The following ZNRF1 variants were observed in gnomAD, a reference collection of about 807,000 sequenced individuals.
ZNRF1 encodes zinc and ring finger 1.
ZNRF1 carries 3 observed loss-of-function variants against 18.4 expected under a neutral mutation model. The observed-to-expected ratio is 0.16, with a 90% CI of 0.07 to 0.42. The LOEUF (loss-of-function observed/expected upper bound fraction) is 0.42, where lower values mean the gene tolerates loss of function less well. ZNRF1 is among the 10% of genes least tolerant of loss of function. The pLI is 0.99. For synonymous variants in ZNRF1, 157 were observed against 144.2 expected (o/e 1.09, Z -0.64); for missense variants, 310 against 329.8 (o/e 0.94, Z 0.47).
chr16:75,069,979 T>C (rs1443195838), intron 1 of ZNRF1, among the ~76,000 whole-genome samples: 1 of 152,190 alleles, frequency 6.6e-6, no homozygotes, highest in Non-Finnish European at 1.5e-5. Flanking sequence ...ATCATTAACT[T>C]CTACACCCCT....
chr16:75,042,729 A>G (rs1409218927), intron 1 of ZNRF1, among the ~76,000 whole-genome samples: 6 of 151,950 alleles, frequency 3.9e-5, no homozygotes, highest in Admixed American at 3.9e-4. Context: ...GGTCCTTTGC[A>G]TTTCCATGTA....
chr16:75,003,299 C>G (rs1371248446), intron 1 of ZNRF1, among the ~76,000 whole-genome samples: 1 of 152,328 alleles, frequency 6.6e-6, no homozygotes, highest in Non-Finnish European at 1.5e-5. Context: ...AGTATTTTAT[C>G]TGTTTACTTT....
chr16:75,068,373 A>G (rs2035829385), intron 1 of ZNRF1, among the ~76,000 whole-genome samples: 1 of 151,822 alleles, frequency 6.6e-6, no homozygotes, highest in South Asian at 2.1e-4. Flanking sequence ...CAAAAAAATC[A>G]TGAACCAGTT....
chr16:75,106,670 G>A (rs2036319979), intron 4 of ZNRF1, 99 bp downstream of exon 4: 1 of 876,344 alleles, frequency 1.1e-6, no homozygotes, highest in East Asian at 2.6e-5. Context: ...ATGCCACTGA[G>A]AAGAAAGCAG....
At chr16:75,018,195 T>C (rs1158915822) in intron 1 of ZNRF1, among the ~76,000 whole-genome samples, 4 of 152,236 alleles carry the variant, frequency 2.6e-5, no homozygotes, top group African/African-American at 7.2e-5. Flanking sequence ...TATGATTTTT[T>C]TGAAGATCTT....
At chr16:75,025,739 C>T (rs371518993) in intron 1 of ZNRF1, among the ~76,000 whole-genome samples, 1 of 152,192 alleles carries the variant, frequency 6.6e-6, no homozygotes, top group South Asian at 2.1e-4. Flanking sequence ...ATGTGTCTAA[C>T]TTGTTTCAGA....
intron 1 of ZNRF1, among the ~76,000 whole-genome samples, chr16:75,073,913 A>AT (rs1418890994): frequency 6.6e-6 from 1 of 152,032 alleles, no homozygotes; most frequent in Non-Finnish European, 1.5e-5. Context: ...AGAAAACATG[A>AT]TTATGTCCCT....
intron 1 of ZNRF1, among the ~76,000 whole-genome samples, chr16:75,081,794 G>A (rs889291112): frequency 6.6e-6 from 1 of 152,164 alleles, no homozygotes; most frequent in Non-Finnish European, 1.5e-5. Flanking sequence ...TTGGGCTACT[G>A]CACCAAGAGG....
At chr16:75,025,035 A>G (rs2035201959) in intron 1 of ZNRF1, among the ~76,000 whole-genome samples, 1 of 152,172 alleles carries the variant, frequency 6.6e-6, no homozygotes, top group East Asian at 1.9e-4. Context: ...TGTTCCATGT[A>G]CATGTGTGGA....
At chr16:75,018,451 C>T (rs935975018) in intron 1 of ZNRF1, among the ~76,000 whole-genome samples, 1 of 152,110 alleles carries the variant, frequency 6.6e-6, no homozygotes, top group African/African-American at 2.4e-5. Context: ...CTAGTTCCTC[C>T]AGTAAAAATC....
At chr16:75,034,956 C>T (rs2035358016) in intron 1 of ZNRF1, among the ~76,000 whole-genome samples, 1 of 152,008 alleles carries the variant, frequency 6.6e-6, no homozygotes, top group African/African-American at 2.4e-5. Flanking sequence ...TACATATACC[C>T]AGAAGTGAAA....
intron 1 of ZNRF1, among the ~76,000 whole-genome samples, chr16:75,021,480 T>G (rs2035147243): frequency 6.6e-6 from 1 of 152,258 alleles, no homozygotes; most frequent in South Asian, 2.1e-4. Flanking sequence ...TGAGTTAAAT[T>G]TCCTTCTTCC....
intron 1 of ZNRF1, among the ~76,000 whole-genome samples, chr16:75,063,797 C>G (rs1176054026): frequency 2.0e-5 from 3 of 152,096 alleles, no homozygotes; most frequent in Non-Finnish European, 4.4e-5. Flanking sequence ...AGGGAAAACT[C>G]CAGGCACAGT....
rs545466223 is a variant in ZNRF1, at chr16:75,038,188, A to T, written c.424+38093A>T. 4.6e-5 allele frequency among the ~76,000 whole-genome samples: 7 copies of T among 152,318 alleles called. No individual in the cohort carries two copies. In the South Asian group the frequency reaches 1.2e-3, roughly 27 times the overall value. ...TTTGATCATAATTCTATGACTTGGG[A>T]ATTCAGGCAGGGCTCAGCTGGATGG... is the stretch of plus-strand genomic sequence containing the variant. On this transcript the variant is annotated intron_variant, in intron 1 of 4. Coordinates refer to ENST00000335325, the MANE Select transcript of ZNRF1 (RefSeq NM_032268.5).
At position 74,999,582 on chromosome 16, in the gene ZNRF1, C is replaced by T; in HGVS notation, c.-90C>T. On this transcript the variant is annotated 5_prime_UTR_variant, in exon 1 of 5. Transcript: ENST00000335325. ...GGGTCTCCTTTTTGACTCCCTCCCC[C>T]TTTATGCTCGCCCAGCCCTCCCCCT... 1 of 1,021,760 alleles carries T rather than the reference C, an allele frequency of 9.8e-7. No individual in the cohort carries two copies. Among genetic ancestry groups the T allele is most frequent in the South Asian group, 3.4e-5 (1 of 29,562 alleles). 63.3% of individuals were successfully genotyped at this position (1,021,760 alleles called of 1,614,324 possible).
At chr16:75,044,365 T>C (rs1189959672) in intron 1 of ZNRF1, among the ~76,000 whole-genome samples, 2 of 152,100 alleles carry the variant, frequency 1.3e-5, no homozygotes, top group Non-Finnish European at 2.9e-5. Flanking sequence ...ACTATAGGCA[T>C]ACAGGCATGC....
At chr16:75,072,025 A>T (rs2035876910) in intron 1 of ZNRF1, among the ~76,000 whole-genome samples, 1 of 151,692 alleles carries the variant, frequency 6.6e-6, no homozygotes, top group Non-Finnish European at 1.5e-5. Context: ...TTCAGCCTCA[A>T]CCTCCTGAGC....
At position 75,093,642 on chromosome 16, in the gene ZNRF1, G is replaced by T; in HGVS notation, c.495G>T (p.Leu165Phe). ...TGGAAATGCACTTTATAATGTGTTT[G>T]AGCAAACCTCGCCTCTCCTACAACG... The part of the protein sequence containing the change: ...DEMEMHFIMC[L>F]SKPRLSYNDD... The change falls in exon 2 of 5, where the codon TTG (leucine) becomes TTT (phenylalanine). Residue 165 changes from leucine to phenylalanine, a missense_variant. Physicochemically the swap from Leu to Phe is conservative, Grantham distance 22. Around this residue, in one of 2 missense-constraint regions of ZNRF1, gnomAD observed 293 missense variants for 291.2 expected, o/e 1.01. Transcript: ENST00000335325. 1 of 1,614,028 alleles carries T rather than the reference G, an allele frequency of 6.2e-7. No individual in the cohort carries two copies. Among genetic ancestry groups the T allele is most frequent in the South Asian group, 1.1e-5 (1 of 91,044 alleles).
chr16:75,034,491 C>T (rs1307628297), intron 1 of ZNRF1, among the ~76,000 whole-genome samples: 2 of 152,174 alleles, frequency 1.3e-5, no homozygotes, highest in African/African-American at 2.4e-5. Context: ...ATGTACATAA[C>T]ACATTTTGTT....
Sources: allele counts gnomAD v4.1 joint callset (sites outside exome capture counted in the v4.1 genomes callset), GRCh38; gene constraint gnomAD v4.1.1; regional missense constraint gnomAD v4.1.1; transcripts MANE v1.5; gene names NCBI Gene and HGNC (gene_info 2026-07-23, HGNC 2026-07-21).